The following CBLN2 variants were observed in gnomAD, a reference collection of about 807,000 sequenced individuals.
CBLN2 encodes cerebellin 2 precursor.
Under a neutral mutation model 15.0 loss-of-function variants are expected in CBLN2, and 7 were observed. The observed-to-expected ratio is 0.47, with a 90% confidence interval of 0.27 to 0.88. CBLN2 has a LOEUF of 0.88. CBLN2 is among the 40% of genes least tolerant of loss of function. The pLI is 0.14. For synonymous variants in CBLN2, 149 were observed against 135.2 expected (o/e 1.10, Z -0.71); for missense variants, 242 against 304.5 (o/e 0.79, Z 1.53).
At chr18:72,542,949 ACAC>A (rs2069129225) in intron 2 of CBLN2, 1 of 156,168 alleles carries the variant, frequency 6.4e-6, no homozygotes, top group African/African-American at 2.5e-5. Flanking sequence ...ACACACACAC[ACAC>A]ACACACGGGC....
At chr18:72,629,769 G>T (rs2069763037) in intron 1 of CBLN2, among the ~76,000 whole-genome samples, 1 of 151,994 alleles carries the variant, frequency 6.6e-6, no homozygotes, top group South Asian at 2.1e-4. Context: ...ATGCTGGATG[G>T]TAACTTTATT....
intron 1 of CBLN2, among the ~76,000 whole-genome samples, chr18:72,584,919 G>A (rs1181223038): frequency 6.6e-6 from 1 of 152,118 alleles, no homozygotes; most frequent in Admixed American, 6.5e-5. Flanking sequence ...TCCCACACCT[G>A]CCAAAGGTGA....
intron 1 of CBLN2, among the ~76,000 whole-genome samples, chr18:72,636,120 A>G (rs2069810766): frequency 6.6e-6 from 1 of 152,218 alleles, no homozygotes; most frequent in African/African-American, 2.4e-5. Context: ...TATAGTGTTA[A>G]TCTTTGGACA....
intron 1 of CBLN2, among the ~76,000 whole-genome samples, chr18:72,632,655 C>A (rs1344900278): frequency 6.6e-6 from 1 of 152,136 alleles, no homozygotes; most frequent in Non-Finnish European, 1.5e-5. Flanking sequence ...CAGGTGAAGT[C>A]CAAACTCCTT....
At position 72,623,399 on chromosome 18, in the gene CBLN2, C is replaced by T. The variant is rs575893513; in HGVS notation, c.15+14926G>A. ...AAACTGACAATCCTTATAAAATTCTCCCTTTTTCTGTATTTTCTTTAATAT... is the reference window on the plus strand; with the variant it reads ...AAACTGACAATCCTTATAAAATTCTTCCTTTTTCTGTATTTTCTTTAATAT... On this transcript the variant is annotated intron_variant, in intron 1 of 2. Transcript: ENST00000581073. 2.6e-5 allele frequency among the ~76,000 whole-genome samples: 4 copies of T among 152,260 alleles called. No homozygotes were observed. In the South Asian group the frequency reaches 8.3e-4, roughly 32 times the overall value.
chr18:72,629,696 C>G (rs970113045), intron 1 of CBLN2, among the ~76,000 whole-genome samples: 2 of 151,998 alleles, frequency 1.3e-5, no homozygotes, highest in Non-Finnish European at 2.9e-5. Context: ...TTTGGACTCT[C>G]GGAAAGCCTA....
Position 72,633,123 on chromosome 18 carries a change from C to T in CBLN2, c.15+5202G>A, listed in dbSNP as rs550956791. On this transcript the variant is annotated intron_variant, in intron 1 of 2. Coordinates refer to the CBLN2 transcript ENST00000581073. ...TACTAAGTATTCAAAAAATCAACGG[C>T]GATTGTTACTTATTTCATTATCACC... Among the ~76,000 whole-genome samples the T allele has an allele frequency of 7.2e-5, 11 of 152,164 alleles. No homozygotes were observed. The South Asian group carries it at 1.7e-3, about 23-fold the overall frequency.
chr18:72,565,058 A>G (rs1261782312), intron 1 of CBLN2, among the ~76,000 whole-genome samples: 1 of 152,226 alleles, frequency 6.6e-6, no homozygotes. Flanking sequence ...TCATAAATGA[A>G]GTAGAAATAG....
intron 1 of CBLN2, among the ~76,000 whole-genome samples, chr18:72,604,983 C>A (rs1430978502): frequency 6.6e-6 from 1 of 152,190 alleles, no homozygotes; most frequent in East Asian, 1.9e-4. Context: ...TCCTTCAGAC[C>A]TCAGCCTGTC....
intron 1 of CBLN2, among the ~76,000 whole-genome samples, chr18:72,596,299 TA>T (rs2069513373): frequency 1.3e-5 from 2 of 151,948 alleles, no homozygotes; most frequent in Admixed American, 1.3e-4. Flanking sequence ...CTCTGTTTTT[TA>T]TTAATAAAAA....
At chr18:72,628,498 GT>G (rs1307636299) in intron 1 of CBLN2, among the ~76,000 whole-genome samples, 3 of 152,298 alleles carry the variant, frequency 2.0e-5, no homozygotes, top group Non-Finnish European at 4.4e-5. Context: ...TGTCTGAATT[GT>G]CCAGCATTGG....
At chr18:72,574,549 G>A (rs976603404) in intron 1 of CBLN2, among the ~76,000 whole-genome samples, 1 of 152,164 alleles carries the variant, frequency 6.6e-6, no homozygotes, top group African/African-American at 2.4e-5. Context: ...AGAGGTGATG[G>A]AATCCAGTGT....
At chr18:72,609,519 A>G (rs2069606667) in intron 1 of CBLN2, among the ~76,000 whole-genome samples, 1 of 152,092 alleles carries the variant, frequency 6.6e-6, no homozygotes, top group African/African-American at 2.4e-5. Context: ...CTGCAAGAAA[A>G]AACTTTATTT....
chr18:72,615,281 TA>T (rs1399507238), intron 1 of CBLN2, among the ~76,000 whole-genome samples: 4 of 10,394 alleles, frequency 3.8e-4, no homozygotes, highest in African/African-American at 5.0e-4. Context: ...TATATATATA[TA>T]TTTTTTTTTT....
intron 1 of CBLN2, among the ~76,000 whole-genome samples, chr18:72,617,345 CTAAA>C (rs2144962096): frequency 6.6e-6 from 1 of 152,056 alleles, no homozygotes; most frequent in African/African-American, 2.4e-5. Flanking sequence ...ATGAATTCTA[CTAAA>C]TAGTTAAAAT....
intron 1 of CBLN2, among the ~76,000 whole-genome samples, chr18:72,609,460 A>G (rs1317428089): frequency 6.6e-6 from 1 of 152,074 alleles, no homozygotes; most frequent in Non-Finnish European, 1.5e-5. Context: ...GAGGTCTCAG[A>G]AGAAACCAGG....
At chr18:72,628,686 G>A (rs919348543) in intron 1 of CBLN2, among the ~76,000 whole-genome samples, 1 of 152,210 alleles carries the variant, frequency 6.6e-6, no homozygotes, top group African/African-American at 2.4e-5. Context: ...AGGGGGAACT[G>A]TTTCACACAT....
At chr18:72,573,938 C>T (rs1328703421) in intron 1 of CBLN2, among the ~76,000 whole-genome samples, 4 of 152,166 alleles carry the variant, frequency 2.6e-5, no homozygotes, top group Non-Finnish European at 4.4e-5. Flanking sequence ...CACATCCTTG[C>T]CAGCATTTGC....
intron 1 of CBLN2, among the ~76,000 whole-genome samples, chr18:72,613,469 G>T (rs1431070088): frequency 6.8e-6 from 1 of 148,056 alleles, no homozygotes; most frequent in Non-Finnish European, 1.5e-5. Context: ...TTAGTAATAG[G>T]TATCTTTTTT....
Sources: allele counts gnomAD v4.1 joint callset (sites outside exome capture counted in the v4.1 genomes callset), GRCh38; gene constraint gnomAD v4.1.1; transcripts MANE v1.5; gene names NCBI Gene and HGNC (gene_info 2026-07-23, HGNC 2026-07-21).